Variants in APAF1 observed in about 807,000 individuals in gnomAD.
APAF1 encodes the protein apoptotic peptidase activating factor 1.
In APAF1, 91 loss-of-function variants were observed where a neutral mutation model predicts 152.4. That is an observed-to-expected ratio of 0.60 (90% CI 0.50 to 0.71). The LOEUF is 0.71. APAF1 is among the 30% of genes least tolerant of loss of function. The pLI is 0.00. For missense variants in APAF1, 1,283 were observed against 1,472.0 expected, an observed-to-expected ratio of 0.87 and a Z score of 2.10; for synonymous variants, 484 against 494.1, an observed-to-expected ratio of 0.98 and a Z score of 0.27.
At chr12:98,654,654 G>A (rs1323261704) in intron 4 of APAF1, among the ~76,000 whole-genome samples, 2 of 151,902 alleles carry the variant, frequency 1.3e-5, no homozygotes, top group Admixed American at 6.6e-5. Context: ...TGATCCCCTC[G>A]CCTCGGCCTC....
intron 12 of APAF1, among the ~76,000 whole-genome samples, chr12:98,677,210 A>AT (rs1489677977): frequency 1.3e-5 from 2 of 152,206 alleles, no homozygotes; most frequent in South Asian, 2.1e-4. Context: ...AGGTTGCTTG[A>AT]TAAAGGGTAA....
At chr12:98,684,162 T>G (rs1280965107) in intron 15 of APAF1, among the ~76,000 whole-genome samples, 3 of 152,222 alleles carry the variant, frequency 2.0e-5, no homozygotes, top group Non-Finnish European at 4.4e-5. Context: ...TTTTGACATT[T>G]AAATAAATTA....
intron 16 of APAF1, among the ~76,000 whole-genome samples, chr12:98,688,238 C>G (rs1282354554): frequency 1.3e-5 from 2 of 152,124 alleles, no homozygotes; most frequent in African/African-American, 4.8e-5. Context: ...TTATTCCTGT[C>G]TCTATTGTCT....
chr12:98,683,079 T>G, intron 14 of APAF1, 64 bp from the exon 15 acceptor site: 1 of 1,326,054 alleles, frequency 7.5e-7, no homozygotes, highest in South Asian at 1.2e-5. Flanking sequence ...GGACATTGCT[T>G]TGCCCCTCTG....
intron 14 of APAF1, among the ~76,000 whole-genome samples, chr12:98,682,812 A>G (rs772816914): frequency 1.3e-5 from 2 of 152,222 alleles, no homozygotes; most frequent in Admixed American, 6.5e-5. Context: ...CCAGAAATCT[A>G]TTATGCTAAC....
At chr12:98,719,815 T>A (rs1007128035) in intron 22 of APAF1, among the ~76,000 whole-genome samples, 9 of 152,212 alleles carry the variant, frequency 5.9e-5, no homozygotes, top group African/African-American at 1.9e-4. Flanking sequence ...AAGGATAGAA[T>A]GCATATGTTC....
rs138148311 is a variant in APAF1 at position 98,656,831 on chromosome 12, G to T, written c.527-2329G>T. On this transcript the variant is annotated intron_variant, in intron 4 of 26. Transcript: ENST00000551964. ...GTGGGCGTTGTTCTTGCTCTCTGTTGTCTCATCCAGACCATTAATACTCCC... is the reference window on the plus strand; with the variant it reads ...GTGGGCGTTGTTCTTGCTCTCTGTTTTCTCATCCAGACCATTAATACTCCC... Among the ~76,000 whole-genome samples the T allele has an allele frequency of 4.8e-3, 731 of 152,212 alleles. 1 individual carries two copies. Among genetic ancestry groups the T allele is most frequent in the Non-Finnish European group, 6.9e-3 (468 of 68,012 alleles).
chr12:98,655,593 G>A (rs1169966513), intron 4 of APAF1, among the ~76,000 whole-genome samples: 1 of 152,066 alleles, frequency 6.6e-6, no homozygotes, highest in African/African-American at 2.4e-5. Flanking sequence ...GTTCCTTTTT[G>A]CTTTCTCCTA....
chr12:98,681,317 C>T (rs1244799127), intron 14 of APAF1, among the ~76,000 whole-genome samples: 1 of 152,184 alleles, frequency 6.6e-6, no homozygotes, highest in Non-Finnish European at 1.5e-5. Context: ...CTGCCTTTGA[C>T]TCCCAAAGTG....
chr12:98,662,904 A>G, intron 7 of APAF1, 98 bp downstream of exon 7: 2 of 1,180,224 alleles, frequency 1.7e-6, no homozygotes, highest in Non-Finnish European at 2.4e-6. Context: ...GCACATGAAC[A>G]TCCAAAAACT....
chr12:98,678,601 TGCA>T (rs1486640774), intron 13 of APAF1, among the ~76,000 whole-genome samples: 1 of 152,210 alleles, frequency 6.6e-6, no homozygotes, highest in Non-Finnish European at 1.5e-5. Context: ...TTCCCCCTGG[TGCA>T]GCTGTAGCTG....
chr12:98,702,870 T>A (rs2097717144), intron 17 of APAF1, among the ~76,000 whole-genome samples: 1 of 151,440 alleles, frequency 6.6e-6, no homozygotes, highest in Non-Finnish European at 1.5e-5. Context: ...TTGAAGAAAC[T>A]TGGATTACCC....
intron 4 of APAF1, among the ~76,000 whole-genome samples, chr12:98,657,526 A>C (rs2097659280): frequency 1.3e-5 from 2 of 152,170 alleles, no homozygotes; most frequent in South Asian, 4.1e-4. Flanking sequence ...AAGTTATAAA[A>C]AGTCTAATTT....
intron 16 of APAF1, 31 bp downstream of exon 16, chr12:98,686,904 G>A (rs969001448): frequency 1.9e-6 from 3 of 1,600,474 alleles, no homozygotes; most frequent in Non-Finnish European, 8.6e-7. Flanking sequence ...AAAATAGGTT[G>A]TATTTTATGG....
In APAF1 at chr12:98,699,420, A is replaced by G. The variant is rs746811712; in HGVS notation, c.2317A>G (p.Thr773Ala). The part of the protein sequence containing the change: ...ADGTLKLWDA[T>A]SANERKSINV... ...CTTTAATTCAAAGCTTTGGGATGCG[A>G]CATCAGCAAATGAGAGGAAAAGCAT... The change falls in exon 17 of 27, where the codon ACA (threonine) becomes GCA (alanine). Residue 773 changes from threonine (T) to alanine (A), a missense_variant. Coordinates refer to ENST00000551964, the MANE Select transcript of APAF1 (RefSeq NM_181861.2). 6.2e-7 allele frequency: 1 copy of G among 1,613,982 alleles called. No individual in the cohort carries two copies. The highest frequency in any genetic ancestry group is 1.3e-5 in the African/African-American group (1 of 74,932).
rs770350894 is a variant in APAF1, at chr12:98,665,724, G to C, written c.1127G>C (p.Arg376Thr). ...ATGTCTATAAGTGTTGAAATGCTCA[G>C]AGAAGACATCAAAGATTATTACACA... ...EAMSISVEML[R>T]EDIKDYYTDL... The change falls in exon 8 of 27, where the codon AGA becomes ACA. Residue 376 changes from arginine to threonine, a missense_variant. By Grantham distance (71) the Arg-to-Thr change is moderately conservative. Transcript: ENST00000551964. 6.2e-7 allele frequency: 1 copy of C among 1,614,104 alleles called. No homozygotes were observed. The highest frequency in any genetic ancestry group is 1.1e-5 in the South Asian group (1 of 91,072).
At position 98,676,124 on chromosome 12, in the gene APAF1, A is replaced by G. The variant is rs181532890; in HGVS notation, c.1794-1301A>G. On this transcript the variant is annotated intron_variant, in intron 12 of 26. Coordinates refer to ENST00000551964, the MANE Select transcript of APAF1 (RefSeq NM_181861.2). ...ATTTGACATATTTACTTGTACTCAAAGTGACAGGGATGTAACGTATATGAA... is the reference window on the plus strand; with the variant it reads ...ATTTGACATATTTACTTGTACTCAAGGTGACAGGGATGTAACGTATATGAA... 5.9e-4 allele frequency among the ~76,000 whole-genome samples: 90 copies of G among 152,338 alleles called. 1 individual carries two copies. The highest frequency in any genetic ancestry group is 1.7e-3 in the African/African-American group (70 of 41,570).
chr12:98,664,538 G>A (rs989973073), intron 7 of APAF1, among the ~76,000 whole-genome samples: 3 of 151,072 alleles, frequency 2.0e-5, no homozygotes, highest in African/African-American at 7.3e-5. Flanking sequence ...TTTGGATTTT[G>A]CCCTTTTTTT....
intron 7 of APAF1, among the ~76,000 whole-genome samples, chr12:98,663,142 G>A (rs1435134477): frequency 6.6e-6 from 1 of 152,062 alleles, no homozygotes; most frequent in Non-Finnish European, 1.5e-5. Flanking sequence ...TAAAAATAGT[G>A]TTCTAATTTG....
Sources: gnomAD v4.1 joint callset for allele counts (sites outside exome capture counted in the v4.1 genomes callset) on GRCh38, gnomAD v4.1.1 for gene constraint, MANE v1.5 for transcripts, NCBI Gene and HGNC (gene_info 2026-07-23, HGNC 2026-07-21) for gene names.